LIN9: variants seen among roughly 807,000 people sequenced by gnomAD.
The protein encoded by LIN9 is protein lin-9 homolog.
Under a neutral mutation model 78.0 loss-of-function variants are expected in LIN9, and 18 were observed. The observed-to-expected ratio is 0.23, with a 90% confidence interval of 0.16 to 0.34. LIN9 has a LOEUF of 0.34. LIN9 is among the 10% of genes least tolerant of loss of function. The pLI is 1.00. For missense variants in LIN9, 451 were observed against 644.1 expected (o/e 0.70, Z 3.25); for synonymous variants, 192 against 215.2 (o/e 0.89, Z 0.94).
intron 5 of LIN9, among the ~76,000 whole-genome samples, chr1:226,286,785 T>C (rs1173511253): frequency 6.6e-6 from 1 of 152,172 alleles, no homozygotes; most frequent in Non-Finnish European, 1.5e-5. Context: ...AGTATCTTTG[T>C]CCCAAAGGAA....
chr1:226,306,924 T>C (rs1352834089), intron 1 of LIN9, among the ~76,000 whole-genome samples: 3 of 152,204 alleles, frequency 2.0e-5, no homozygotes, highest in Admixed American at 6.5e-5. Context: ...AGAAAATCCC[T>C]GGTTTCAACA....
intron 4 of LIN9, 61 bp from the exon 5 acceptor site, chr1:226,287,858 A>G: frequency 8.0e-7 from 1 of 1,249,220 alleles, no homozygotes; most frequent in Non-Finnish European, 1.1e-6. Context: ...AACATTTATA[A>G]CCCTGAATAA....
intron 10 of LIN9, among the ~76,000 whole-genome samples, chr1:226,261,412 C>T (rs1441341791): frequency 6.6e-6 from 1 of 151,884 alleles, no homozygotes; most frequent in Non-Finnish European, 1.5e-5. Context: ...AAAAAAAATC[C>T]CTGGAACTAA....
chr1:226,300,761 C>T (rs1481838794), intron 2 of LIN9, among the ~76,000 whole-genome samples: 1 of 152,154 alleles, frequency 6.6e-6, no homozygotes, highest in Admixed American at 6.5e-5. Flanking sequence ...GGGGCTGAGG[C>T]AGGAGAATCG....
At chr1:226,291,850 T>C (rs1032203680) in intron 4 of LIN9, among the ~76,000 whole-genome samples, 11 of 152,058 alleles carry the variant, frequency 7.2e-5, no homozygotes, top group Admixed American at 3.3e-4. Context: ...CAATTCAGGA[T>C]ACCACACTGC....
At chr1:226,271,427 A>C (rs1660269935) in intron 7 of LIN9, among the ~76,000 whole-genome samples, 1 of 152,224 alleles carries the variant, frequency 6.6e-6, no homozygotes, top group African/African-American at 2.4e-5. Context: ...GTTTAATTAA[A>C]TTCTATTGTG....
chr1:226,234,398 T>C (rs969517953), intron 12 of LIN9, among the ~76,000 whole-genome samples: 2 of 152,232 alleles, frequency 1.3e-5, no homozygotes, highest in Admixed American at 6.5e-5. Flanking sequence ...CTAGTATCAG[T>C]ATGAACCCAT....
intron 1 of LIN9, among the ~76,000 whole-genome samples, chr1:226,307,323 A>G (rs1260977549): frequency 6.6e-6 from 1 of 152,218 alleles, no homozygotes; most frequent in East Asian, 1.9e-4. Context: ...GTCCACACTC[A>G]TTTGGGAGCA....
intron 6 of LIN9, among the ~76,000 whole-genome samples, chr1:226,285,340 GTTA>G (rs1188726787): frequency 2.0e-5 from 3 of 152,140 alleles, no homozygotes; most frequent in East Asian, 3.9e-4. Flanking sequence ...TTTTAATTTT[GTTA>G]TTATAAGAAA....
At chr1:226,295,982 G>C in intron 3 of LIN9, 36 bp from the exon 4 acceptor site, 2 of 1,414,294 alleles carry the variant, frequency 1.4e-6, no homozygotes, top group Non-Finnish European at 2.0e-6. Flanking sequence ...TGAAAAAGCC[G>C]AACCCTCCCA....
At chr1:226,303,699 G>A (rs1022792877) in intron 1 of LIN9, among the ~76,000 whole-genome samples, 8 of 151,998 alleles carry the variant, frequency 5.3e-5, no homozygotes, top group African/African-American at 7.2e-5. Context: ...TCCACCTCCC[G>A]GGTTCAAGAA....
chr1:226,260,614 T>A (rs1275389904), intron 10 of LIN9, among the ~76,000 whole-genome samples: 1 of 144,022 alleles, frequency 6.9e-6, no homozygotes, highest in African/African-American at 2.5e-5. Context: ...GAATTTAAGA[T>A]CACGGCCAAA....
At chr1:226,246,179 T>A (rs1558159462) in intron 11 of LIN9, among the ~76,000 whole-genome samples, 1 of 152,230 alleles carries the variant, frequency 6.6e-6, no homozygotes, top group East Asian at 1.9e-4. Flanking sequence ...TTCTTCTGCT[T>A]AAACAAAAAC....
At chr1:226,274,261 G>GT (rs1170416958) in intron 7 of LIN9, among the ~76,000 whole-genome samples, 1 of 152,114 alleles carries the variant, frequency 6.6e-6, no homozygotes, top group Non-Finnish European at 1.5e-5. Context: ...GTAGATTCCA[G>GT]TTTACATAAG....
At position 226,295,405 on chromosome 1, in the gene LIN9, C is replaced by T. The variant is rs909425410; in HGVS notation, c.264+437G>A. 2.6e-5 allele frequency among the ~76,000 whole-genome samples: 4 copies of T among 152,006 alleles called. No homozygotes were observed. The East Asian group carries it at 5.8e-4, about 22-fold the overall frequency. On this transcript the variant is annotated intron_variant, in intron 4 of 14. Coordinates refer to ENST00000681046, the MANE Select transcript of LIN9 (RefSeq NM_001366245.2). Reference sequence around the variant, plus strand: ...CAAAAGTAGCAGTAAGCCGAGATCACGCCACTGTACTCCAGCCTGGGCGAC... The same window carrying T: ...CAAAAGTAGCAGTAAGCCGAGATCATGCCACTGTACTCCAGCCTGGGCGAC...
intron 11 of LIN9, among the ~76,000 whole-genome samples, chr1:226,245,787 G>A (rs571152192): frequency 3.9e-5 from 6 of 152,006 alleles, no homozygotes; most frequent in African/African-American, 9.7e-5. Flanking sequence ...TACTAGAAAC[G>A]GGGTTTGGCT....
At chr1:226,309,674 C>G, upstream of LIN9, 1 of 1,283,196 alleles carries the variant, frequency 7.8e-7, no homozygotes, top group Non-Finnish European at 1.0e-6. Context: ...CTCACTTTTC[C>G]CGAGACCGCC....
chr1:226,273,834 C>CTTTTTTTT (rs572172734), intron 7 of LIN9, among the ~76,000 whole-genome samples: 1 of 137,136 alleles, frequency 7.3e-6, no homozygotes. Flanking sequence ...CTCAACATTA[C>CTTTTTTTT]TTTTTTTTTT....
intron 11 of LIN9, among the ~76,000 whole-genome samples, chr1:226,246,360 A>G (rs902447914): frequency 1.3e-5 from 2 of 152,012 alleles, no homozygotes; most frequent in African/African-American, 2.4e-5. Flanking sequence ...TCTGTCTTCT[A>G]TTGTTTCTGT....
Sources: allele counts gnomAD v4.1 joint callset (sites outside exome capture counted in the v4.1 genomes callset), GRCh38; gene constraint gnomAD v4.1.1; transcripts MANE v1.5; gene names NCBI Gene and HGNC (gene_info 2026-07-23, HGNC 2026-07-21).